Variants in ARHGAP6 observed in about 807,000 individuals in gnomAD.
ARHGAP6 encodes rho GTPase-activating protein 6.
ARHGAP6 carries 16 observed loss-of-function variants against 55.7 expected under a neutral mutation model. The ratio of observed to expected loss-of-function variants is 0.29; its 90% CI spans 0.19 to 0.44. The LOEUF (loss-of-function observed/expected upper bound fraction) is 0.44. Among genes scored for constraint, ARHGAP6 ranks in the 20% least tolerant of loss-of-function variants. ARHGAP6 has a pLI of 1.00. For missense variants in ARHGAP6, 698 were observed against 808.9 expected, an observed-to-expected ratio of 0.86 and a Z score of 1.66; for synonymous variants, 382 against 360.9, an observed-to-expected ratio of 1.06 and a Z score of -0.66.
chrX:11,517,154 A>G (rs144570385), intron 1 of ARHGAP6, among the ~76,000 whole-genome samples: 2,689 of 111,686 alleles, frequency 0.024, 32 homozygotes, highest in Middle Eastern at 0.046. Context: ...TCTGCTTCAC[A>G]TGTCATTCAT....
intron 1 of ARHGAP6, among the ~76,000 whole-genome samples, chrX:11,494,252 A>G (rs1450417897): frequency 8.9e-6 from 1 of 112,092 alleles, no homozygotes; most frequent in African/African-American, 3.2e-5. Flanking sequence ...TTAAATGAAC[A>G]AATAAAAATC....
intron 8 of ARHGAP6, among the ~76,000 whole-genome samples, chrX:11,171,730 G>A (rs2046094945): frequency 1.8e-5 from 2 of 111,223 alleles, no homozygotes; most frequent in South Asian, 3.7e-4. Context: ...TCTCTACCTC[G>A]ACACTAGTGA....
intron 1 of ARHGAP6, among the ~76,000 whole-genome samples, chrX:11,282,666 A>C (rs1273170432): frequency 8.9e-6 from 1 of 112,190 alleles, no homozygotes; most frequent in Non-Finnish European, 1.9e-5. Flanking sequence ...TGGAGGTGGC[A>C]CCTGGCCATC....
intron 1 of ARHGAP6, chrX:11,427,733 A>G: frequency 1.3e-6 from 1 of 770,921 alleles, no homozygotes; most frequent in Non-Finnish European, 1.5e-6. Context: ...TGCTGTGCAA[A>G]GCGCCCCTGG....
chrX:11,294,656 A>T, intron 1 of ARHGAP6: 1 of 773,666 alleles, frequency 1.3e-6, no homozygotes, highest in Non-Finnish European at 2.0e-6. Context: ...AAATTCACAA[A>T]CAATGGCTCC....
intron 1 of ARHGAP6, among the ~76,000 whole-genome samples, chrX:11,534,925 C>A (rs1448500557): frequency 9.0e-6 from 1 of 111,353 alleles, no homozygotes; most frequent in Non-Finnish European, 1.9e-5. Context: ...CCCAACAGCT[C>A]CATGGGGTTA....
intron 1 of ARHGAP6, among the ~76,000 whole-genome samples, chrX:11,452,815 T>C (rs2050156143): frequency 9.0e-6 from 1 of 111,281 alleles, no homozygotes; most frequent in South Asian, 3.7e-4. Context: ...CTGGGCTTTG[T>C]CCAAGGGCAG....
chrX:11,149,105 T>C (rs1410136117), intron 10 of ARHGAP6, among the ~76,000 whole-genome samples: 3 of 112,290 alleles, frequency 2.7e-5, no homozygotes, highest in Non-Finnish European at 5.6e-5. Context: ...GCATAAGCCT[T>C]TGGTGAAATT....
chrX:11,352,326 T>C (rs1351265186), intron 1 of ARHGAP6, among the ~76,000 whole-genome samples: 1 of 111,883 alleles, frequency 8.9e-6, no homozygotes, highest in Non-Finnish European at 1.9e-5. Context: ...TGAAAGATAT[T>C]CACTGCCTGG....
At position 11,664,957 on chromosome X, in the gene ARHGAP6, T is replaced by G; in HGVS notation, c.-129A>C. On this transcript the variant is annotated 5_prime_UTR_variant, in exon 1 of 13. Coordinates refer to ENST00000337414, the MANE Select transcript of ARHGAP6 (RefSeq NM_013427.3). Reference sequence around the variant, plus strand: ...CTGGCCCGGGGTTTGCCCAGGGCAGTGGAGAGCAAAGCCCAGCTCACGCGC... The same window carrying G: ...CTGGCCCGGGGTTTGCCCAGGGCAGGGGAGAGCAAAGCCCAGCTCACGCGC... The G allele has an allele frequency of 1.5e-6, 1 of 648,293 alleles. No individual in the cohort carries two copies. The highest frequency in any genetic ancestry group is 2.2e-6 in the Non-Finnish European group (1 of 450,416). 53.4% of individuals were successfully genotyped at this position (648,293 alleles called of 1,213,427 possible). A position where few individuals can be genotyped will look rare whatever the true frequency, so the allele number is the denominator to read the frequency against.
chrX:11,306,506 AT>A (rs1222611687), intron 1 of ARHGAP6, among the ~76,000 whole-genome samples: 2 of 112,660 alleles, frequency 1.8e-5, no homozygotes, highest in African/African-American at 6.5e-5. Flanking sequence ...TTCAGGCACT[AT>A]TCTAAGCACA....
At chrX:11,628,981 A>T (rs2052329280) in intron 1 of ARHGAP6, among the ~76,000 whole-genome samples, 1 of 79,441 alleles carries the variant, frequency 1.3e-5, no homozygotes, top group South Asian at 5.7e-4. Flanking sequence ...CATGCTTCAG[A>T]TACGTGTGTG....
At chrX:11,620,845 A>G (rs947477102) in intron 1 of ARHGAP6, among the ~76,000 whole-genome samples, 1 of 111,695 alleles carries the variant, frequency 9.0e-6, no homozygotes, top group African/African-American at 3.3e-5. Flanking sequence ...TGCAAAGGAC[A>G]GCTCTACACA....
chrX:11,397,470 C>T (rs1036261144), intron 1 of ARHGAP6, among the ~76,000 whole-genome samples: 9 of 111,106 alleles, frequency 8.1e-5, no homozygotes, highest in Admixed American at 1.9e-4. Context: ...TATATATTAT[C>T]TATAATGTAT....
At chrX:11,551,050 G>A (rs928971771) in intron 1 of ARHGAP6, among the ~76,000 whole-genome samples, 1 of 111,866 alleles carries the variant, frequency 8.9e-6, no homozygotes, top group African/African-American at 3.2e-5. Flanking sequence ...CAAAAGTAGG[G>A]GAGAGAAGCA....
In ARHGAP6 at chrX:11,408,316, G is replaced by T. The variant is rs766848673; in HGVS notation, c.589-153609C>A. Among the ~76,000 whole-genome samples the T allele has an allele frequency of 2.4e-4, 27 of 111,245 alleles. 1 individual carries two copies. Among genetic ancestry groups the T allele is most frequent in the African/African-American group, 8.8e-4 (27 of 30,604 alleles). The stretch of plus-strand genomic sequence containing the variant: ...TCTCAATGCATACAGTGTGGCAAAC[G>T]TTGTATAAGCCTCACGGGTGAACTA... On this transcript the variant is annotated intron_variant, in intron 1 of 12. Coordinates refer to ENST00000337414, the MANE Select transcript of ARHGAP6 (RefSeq NM_013427.3).
chrX:11,596,984 T>C (rs1300466105), intron 1 of ARHGAP6, among the ~76,000 whole-genome samples: 1 of 111,701 alleles, frequency 9.0e-6, no homozygotes, highest in Non-Finnish European at 1.9e-5. Context: ...GGACCTTCTG[T>C]TTTTTCTCAC....
At chrX:11,223,534 C>T (rs768944904) in intron 2 of ARHGAP6, among the ~76,000 whole-genome samples, 1 of 111,362 alleles carries the variant, frequency 9.0e-6, no homozygotes, top group African/African-American at 3.3e-5. Context: ...AATTTTTATC[C>T]ATTTCTAGAA....
At chrX:11,181,351 G>C (rs2046311738) in intron 6 of ARHGAP6, among the ~76,000 whole-genome samples, 1 of 111,960 alleles carries the variant, frequency 8.9e-6, no homozygotes, top group Non-Finnish European at 1.9e-5. Context: ...ATTCATTTTT[G>C]AGTTGCTGAG....
Sources: gnomAD v4.1 joint callset for allele counts (sites outside exome capture counted in the v4.1 genomes callset) on GRCh38, gnomAD v4.1.1 for gene constraint, MANE v1.5 for transcripts, NCBI Gene and HGNC (gene_info 2026-07-23, HGNC 2026-07-21) for gene names.